REV1: variants seen among roughly 807,000 people sequenced by gnomAD.
REV1 encodes REV1 DNA directed polymerase, also known as translesion synthesis protein REV1.
A neutral mutation model predicts 137.4 loss-of-function variants in REV1; 42 were observed. The observed-to-expected ratio is 0.31, with a 90% confidence interval of 0.24 to 0.40. The LOEUF (loss-of-function observed/expected upper bound fraction) is 0.40. Ranked by LOEUF, REV1 falls within the 10% of genes least tolerant of loss-of-function variation. The probability of loss-of-function intolerance (pLI) is 1.00; values close to 1 mark genes in which losing one functional copy is unlikely to be tolerated. For missense variants in REV1, 1,282 were observed against 1,490.1 expected (o/e 0.86, Z 2.30); for synonymous variants, 524 against 519.2 (o/e 1.01, Z -0.12).
At chr2:99,417,325 G>A (rs1378298406) in intron 12 of REV1, among the ~76,000 whole-genome samples, 1 of 152,002 alleles carries the variant, frequency 6.6e-6, no homozygotes, top group East Asian at 1.9e-4. Context: ...TGTAGTTCTA[G>A]TAGAGACAGG....
chr2:99,468,306 C>T (rs982014379), intron 1 of REV1, among the ~76,000 whole-genome samples: 2 of 152,180 alleles, frequency 1.3e-5, no homozygotes, highest in East Asian at 3.8e-4. Flanking sequence ...AAAAGTTCTC[C>T]ACACTAAGAT....
intron 1 of REV1, among the ~76,000 whole-genome samples, chr2:99,468,072 C>T (rs957937850): frequency 1.3e-5 from 2 of 151,758 alleles, no homozygotes; most frequent in Admixed American, 6.6e-5. Context: ...CCCAGCTACT[C>T]GGAAGGCTGA....
At chr2:99,401,729 AGAGT>A (rs1675455023) in intron 22 of REV1, among the ~76,000 whole-genome samples, 1 of 152,224 alleles carries the variant, frequency 6.6e-6, no homozygotes, top group African/African-American at 2.4e-5. Context: ...CCTGGGCGAC[AGAGT>A]GAGACTCCAT....
Position 99,438,905 on chromosome 2 carries a change from C to A in REV1, c.909G>T (p.Leu303Phe), listed in dbSNP as rs931068964. ...CACCATTGATTTTAGTGTTACTGTG[C>A]AAAGGTGATAATGAGAAAGAATTAG... ...HRTNSFSLSP[L>F]HSNTKINGAH... The change falls in exon 6 of 23, where the codon TTG becomes TTT. Residue 303 changes from leucine to phenylalanine, a missense_variant. By Grantham distance (22) the Leu-to-Phe change is conservative (BLOSUM62 0). Coordinates refer to ENST00000258428, the MANE Select transcript of REV1 (RefSeq NM_016316.4). 6.2e-7 allele frequency: 1 copy of A among 1,614,142 alleles called. No homozygotes were observed. Among genetic ancestry groups the A allele is most frequent in the South Asian group, 1.1e-5 (1 of 91,080 alleles).
At chr2:99,482,630 G>A (rs932012459) in intron 1 of REV1, among the ~76,000 whole-genome samples, 7 of 152,098 alleles carry the variant, frequency 4.6e-5, no homozygotes, top group Admixed American at 2.6e-4. Context: ...ACTCTTAAGA[G>A]AATTAAATGA....
chr2:99,483,852 T>C (rs939125179), intron 1 of REV1, among the ~76,000 whole-genome samples: 1 of 152,122 alleles, frequency 6.6e-6, no homozygotes, highest in African/African-American at 2.4e-5. Context: ...AGCAGGCAAA[T>C]GACTCTTGGG....
intron 1 of REV1, among the ~76,000 whole-genome samples, chr2:99,482,790 C>CGG (rs2104278843): frequency 6.6e-6 from 1 of 151,992 alleles, no homozygotes; most frequent in East Asian, 1.9e-4. Flanking sequence ...CCGAGGCAGG[C>CGG]GGGATCACCT....
chr2:99,462,373 A>T, intron 3 of REV1, 123 bp downstream of exon 3: 1 of 922,898 alleles, frequency 1.1e-6, no homozygotes, highest in Non-Finnish European at 1.6e-6. Flanking sequence ...CAGATGATTT[A>T]TTTCTTCTCA....
At chr2:99,449,280 T>C in intron 4 of REV1, 56 bp downstream of exon 4, 1 of 1,102,314 alleles carries the variant, frequency 9.1e-7, no homozygotes, top group Non-Finnish European at 1.2e-6. Flanking sequence ...AATAAATAAA[T>C]AAAAAGTATT....
intron 11 of REV1, 92 bp from the exon 12 acceptor site, chr2:99,419,039 T>G (rs1160190754): frequency 9.4e-7 from 1 of 1,061,006 alleles, no homozygotes; most frequent in African/African-American, 1.6e-5. Context: ...CCATCAAGTT[T>G]CTAAAAACAA....
intron 1 of REV1, among the ~76,000 whole-genome samples, chr2:99,471,376 T>G (rs1015541489): frequency 1.3e-5 from 2 of 152,080 alleles, no homozygotes; most frequent in Admixed American, 1.3e-4. Flanking sequence ...ATAGGAAAAC[T>G]GGATATCACA....
At chr2:99,469,353 T>A (rs913495294) in intron 1 of REV1, among the ~76,000 whole-genome samples, 2 of 152,246 alleles carry the variant, frequency 1.3e-5, no homozygotes, top group African/African-American at 2.4e-5. Context: ...TCTGTTTCCA[T>A]GTGACTCTGT....
In REV1 at chr2:99,438,830, T is replaced by C. The variant is rs138242949; in HGVS notation, c.984A>G (p.Ser328=). The change falls in exon 6 of 23, where the codon TCA becomes TCG. Residue 328 remains serine, a synonymous_variant. Coordinates refer to ENST00000258428, the MANE Select transcript of REV1 (RefSeq NM_016316.4). ...QGPSSTKSTS[S]VSTFSKAAPS... ...GTGCTGCCTTGCTAAACGTAGATAC[T>C]GAAGAAGTGCTTTTTGTGCTTGAAG... is the stretch of plus-strand genomic sequence containing the variant. The C allele has an allele frequency of 1.9e-6, 3 of 1,614,138 alleles. No homozygotes were observed. The highest frequency in any genetic ancestry group is 2.5e-6 in the Non-Finnish European group (3 of 1,180,054).
intron 1 of REV1, among the ~76,000 whole-genome samples, chr2:99,471,308 A>T (rs868525889): frequency 1.1e-4 from 17 of 152,240 alleles, no homozygotes; most frequent in Non-Finnish European, 1.0e-4. Flanking sequence ...ATCTGTGTTT[A>T]AAAGAACCTC....
intron 7 of REV1, among the ~76,000 whole-genome samples, chr2:99,434,847 A>G (rs1467111808): frequency 1.1e-5 from 1 of 91,580 alleles, no homozygotes; most frequent in African/African-American, 5.5e-5. Flanking sequence ...CTTATCTCTC[A>G]ATTTTACGCA....
At chr2:99,417,047 C>T (rs556301939) in intron 12 of REV1, among the ~76,000 whole-genome samples, 2 of 151,992 alleles carry the variant, frequency 1.3e-5, no homozygotes, top group African/African-American at 4.8e-5. Context: ...AAAAAGGGTT[C>T]GATTTAAAGA....
chr2:99,404,453 T>C lies in REV1; in HGVS notation c.3036A>G (p.Ala1012=). Residue 1012 remains alanine, a synonymous_variant, in exon 18 of 23, where the codon GCA becomes GCG. Transcript: ENST00000258428. ...CCCATATTTAACTTACCTGTGAAAA[T>C]GCTGGAAGGGCTATTAAATTTATTC... ...DAGINLIALP[A]FSQVDPEVFA... is the part of the protein sequence containing the mutation. 1.2e-6 allele frequency: 2 copies of C among 1,613,670 alleles called. No individual in the cohort carries two copies. Among genetic ancestry groups the C allele is most frequent in the Non-Finnish European group, 1.7e-6 (2 of 1,179,768 alleles).
Position 99,403,809 on chromosome 2 carries a change from G to C in REV1, c.3052C>G (p.Pro1018Ala). Residue 1018 changes from proline to alanine, a missense_variant, in exon 19 of 23, where the codon CCT becomes GCT. Physicochemically the swap from Pro to Ala is conservative, Grantham distance 27. Coordinates refer to ENST00000258428, the MANE Select transcript of REV1 (RefSeq NM_016316.4). ...IALPAFSQVD[P>A]EVFAALPAEL... ...GCAGGAAGGGCAGCAAATACCTCAG[G>C]GTCCACCTAGTGGAAAAGACGAGGT... 6.2e-7 allele frequency: 1 copy of C among 1,613,952 alleles called. No individual in the cohort carries two copies. Among genetic ancestry groups the C allele is most frequent in the South Asian group, 1.1e-5 (1 of 91,062 alleles).
chr2:99,465,105 T>C, intron 1 of REV1, 120 bp from the exon 2 acceptor site: 1 of 539,656 alleles, frequency 1.9e-6, no homozygotes, highest in Non-Finnish European at 3.0e-6. Flanking sequence ...GATGAAAGTA[T>C]ACAATATTAA....
Sources: gnomAD v4.1 joint callset for allele counts (sites outside exome capture counted in the v4.1 genomes callset) on GRCh38, gnomAD v4.1.1 for gene constraint, MANE v1.5 for transcripts, NCBI Gene and HGNC (gene_info 2026-07-23, HGNC 2026-07-21) for gene names.